The following NBEA variants were observed in gnomAD, a reference collection of about 807,000 sequenced individuals.
The protein encoded by NBEA is neurobeachin, also known as lysosomal-trafficking regulator 2.
Under a neutral mutation model 343.4 loss-of-function variants are expected in NBEA, and 44 were observed. The observed-to-expected ratio is 0.13, with a 90% CI of 0.10 to 0.16. The LOEUF is 0.16. Among genes scored for constraint, NBEA ranks in the 10% least tolerant of loss-of-function variants. NBEA has a pLI of 1.00. For synonymous variants in NBEA, 1,175 were observed against 1,238.7 expected (o/e 0.95, Z 1.08); for missense variants, 2,555 against 3,631.3 (o/e 0.70, Z 7.62).
chr13:35,471,796 G>C (rs1413391498), intron 40 of NBEA, among the ~76,000 whole-genome samples: 1 of 152,038 alleles, frequency 6.6e-6, no homozygotes, highest in East Asian at 1.9e-4. Context: ...TAAGATTTTC[G>C]TTCTTTTCTA....
intron 34 of NBEA, among the ~76,000 whole-genome samples, chr13:35,289,644 A>G (rs971810571): frequency 5.3e-5 from 8 of 151,920 alleles, no homozygotes; most frequent in African/African-American, 1.7e-4. Flanking sequence ...AATGGGAATA[A>G]TAATACTATG....
At chr13:35,296,548 A>C (rs2036144419) in intron 35 of NBEA, among the ~76,000 whole-genome samples, 3 of 152,100 alleles carry the variant, frequency 2.0e-5, no homozygotes, top group Non-Finnish European at 4.4e-5. Flanking sequence ...GGAATGTAGA[A>C]TATTCTGAAT....
intron 1 of NBEA, among the ~76,000 whole-genome samples, chr13:35,031,117 T>A (rs190396861): frequency 6.6e-6 from 1 of 151,798 alleles, no homozygotes; most frequent in East Asian, 1.9e-4. Context: ...TACAAATTTA[T>A]ACAGAGGCCC....
At chr13:35,452,279 C>A (rs189751599) in intron 40 of NBEA, 44 bp downstream of exon 40, 15,333 of 1,436,372 alleles carry the variant, frequency 0.011, 113 homozygotes, top group Non-Finnish European at 0.013. Flanking sequence ...TAAATAAACA[C>A]AAAGCTACTG....
intron 38 of NBEA, among the ~76,000 whole-genome samples, chr13:35,396,063 T>C (rs947373235): frequency 6.6e-6 from 1 of 152,066 alleles, no homozygotes; most frequent in Non-Finnish European, 1.5e-5. Context: ...TATAGTTGAG[T>C]ATTGCTTTCT....
intron 36 of NBEA, among the ~76,000 whole-genome samples, chr13:35,342,607 G>T (rs940751557): frequency 1.3e-5 from 2 of 151,976 alleles, no homozygotes; most frequent in African/African-American, 4.8e-5. Flanking sequence ...TATGTAATAT[G>T]TGAGTTTGAA....
At chr13:35,670,219 G>C (rs935535766) in intron 58 of NBEA, among the ~76,000 whole-genome samples, 13 of 152,166 alleles carry the variant, frequency 8.5e-5, no homozygotes, top group Non-Finnish European at 1.5e-4. Flanking sequence ...CAGTGGGACT[G>C]GGGAGGAATA....
At chr13:35,036,866 G>A (rs1412192394) in intron 1 of NBEA, among the ~76,000 whole-genome samples, 1 of 152,002 alleles carries the variant, frequency 6.6e-6, no homozygotes. Context: ...ATTACTAAAT[G>A]TCTTGAGGTA....
chr13:35,475,594 C>A (rs373870848), intron 41 of NBEA: 2 of 1,613,754 alleles, frequency 1.2e-6, no homozygotes. Flanking sequence ...GGCAGCACTC[C>A]TCGGCCAGAT....
At chr13:34,951,029 A>G (rs1406189004) in intron 1 of NBEA, among the ~76,000 whole-genome samples, 1 of 152,194 alleles carries the variant, frequency 6.6e-6, no homozygotes, top group Admixed American at 6.5e-5. Flanking sequence ...AGTTAAAATA[A>G]TCTTAAATGC....
At chr13:34,988,096 G>A (rs2060622133) in intron 1 of NBEA, among the ~76,000 whole-genome samples, 1 of 150,852 alleles carries the variant, frequency 6.6e-6, no homozygotes, top group Non-Finnish European at 1.5e-5. Flanking sequence ...AGAATTTTCA[G>A]CGTTTCTACT....
intron 38 of NBEA, among the ~76,000 whole-genome samples, chr13:35,411,743 C>A (rs1346185353): frequency 6.6e-6 from 1 of 151,998 alleles, no homozygotes; most frequent in Non-Finnish European, 1.5e-5. Context: ...AGCAATCCTC[C>A]CATCTCAGCC....
chr13:35,649,965 A>G (rs9544890), intron 52 of NBEA, 118 bp downstream of exon 52: 144,830 of 1,011,806 alleles, frequency 0.14, 11,299 homozygotes, highest in South Asian at 0.18. Flanking sequence ...AAAACAGCAG[A>G]CTAAATAAAT....
intron 41 of NBEA, among the ~76,000 whole-genome samples, chr13:35,525,818 A>G (rs1437184055): frequency 6.6e-6 from 1 of 152,182 alleles, no homozygotes; most frequent in Non-Finnish European, 1.5e-5. Context: ...TCTGCCTTAT[A>G]CATGGTGCCT....
chr13:35,282,386 G>A (rs888190665), intron 34 of NBEA, among the ~76,000 whole-genome samples: 5 of 151,992 alleles, frequency 3.3e-5, no homozygotes, highest in Non-Finnish European at 7.4e-5. Context: ...TAATTATTTA[G>A]GACCAGTCTT....
At chr13:35,228,089 G>T (rs760223851) in intron 33 of NBEA, among the ~76,000 whole-genome samples, 1 of 151,824 alleles carries the variant, frequency 6.6e-6, no homozygotes, top group South Asian at 2.1e-4. Flanking sequence ...TTTTCCCATG[G>T]ATTAATTGTA....
intron 37 of NBEA, among the ~76,000 whole-genome samples, chr13:35,351,107 A>G (rs1393306925): frequency 1.3e-5 from 2 of 151,970 alleles, no homozygotes; most frequent in Non-Finnish European, 2.9e-5. Flanking sequence ...CTGTAGGGTT[A>G]TTTCTCCAGA....
chr13:35,436,847 A>G (rs2045472640), intron 39 of NBEA, among the ~76,000 whole-genome samples: 1 of 152,236 alleles, frequency 6.6e-6, no homozygotes, highest in Non-Finnish European at 1.5e-5. Context: ...AGAACATTTT[A>G]TAGATGGAAC....
intron 10 of NBEA, among the ~76,000 whole-genome samples, chr13:35,094,553 A>G (rs1253670516): frequency 6.6e-6 from 1 of 151,992 alleles, no homozygotes; most frequent in Non-Finnish European, 1.5e-5. Context: ...AAGGAAATTT[A>G]ACTCTTACAA....
Sources: allele counts gnomAD v4.1 joint callset (sites outside exome capture counted in the v4.1 genomes callset), GRCh38; gene constraint gnomAD v4.1.1; transcripts MANE v1.5; gene names NCBI Gene and HGNC (gene_info 2026-07-23, HGNC 2026-07-21).